Variants in SCAF4 observed in about 807,000 individuals in gnomAD.
SCAF4 encodes the protein SR-related CTD associated factor 4.
Under a neutral mutation model 129.8 loss-of-function variants are expected in SCAF4, and 25 were observed. The observed-to-expected ratio is 0.19, with a 90% confidence interval of 0.14 to 0.27. The LOEUF is 0.27. Among genes scored for constraint, SCAF4 ranks in the 10% least tolerant of loss-of-function variants. The pLI is 1.00. For synonymous variants in SCAF4, 551 were observed against 497.7 expected (o/e 1.11, Z -1.43); for missense variants, 1,246 against 1,457.1 (o/e 0.86, Z 2.36).
chr21:31,673,375 C>T (rs531821987), intron 19 of SCAF4, among the ~76,000 whole-genome samples: 1 of 142,668 alleles, frequency 7.0e-6, no homozygotes, highest in Admixed American at 6.8e-5. Flanking sequence ...GCTATTTACC[C>T]ATGTGCTGCA....
At chr21:31,684,617 T>G (rs17576982) in intron 19 of SCAF4, 5,310 of 158,532 alleles carry the variant, frequency 0.033, 135 homozygotes, top group Non-Finnish European at 0.047. Context: ...AGTCCAGGGG[T>G]TTCAGATAGA....
At chr21:31,706,492 G>A in intron 1 of SCAF4, 135 bp from the exon 2 acceptor site, 3 of 626,802 alleles carry the variant, frequency 4.8e-6, no homozygotes, top group South Asian at 4.0e-5. Flanking sequence ...TTAGCAGCTA[G>A]GGCAGCAGGA....
intron 7 of SCAF4, among the ~76,000 whole-genome samples, chr21:31,700,345 ATCCTCCGTTCTCGACC>A (rs1271837160): frequency 6.6e-6 from 1 of 152,026 alleles, no homozygotes; most frequent in African/African-American, 2.4e-5. Context: ...GGCTCATGGG[ATCCTCCGTTCTCGACC>A]TCCCAAAGTG....
intron 1 of SCAF4, among the ~76,000 whole-genome samples, chr21:31,730,083 T>C (rs1389267334): frequency 2.6e-5 from 4 of 152,256 alleles, no homozygotes; most frequent in Non-Finnish European, 5.9e-5. Context: ...ATTTTAACTA[T>C]TGTTGTGCCA....
At chr21:31,694,447 G>GA (rs924067094) in intron 10 of SCAF4, among the ~76,000 whole-genome samples, 158 bp from the exon 11 acceptor site, 55 of 147,568 alleles carry the variant, frequency 3.7e-4, no homozygotes, top group Admixed American at 1.5e-3. Context: ...CCATCACTGG[G>GA]AAAAAAAAAC....
At chr21:31,726,409 C>G (rs2051205997) in intron 1 of SCAF4, among the ~76,000 whole-genome samples, 4 of 152,126 alleles carry the variant, frequency 2.6e-5, no homozygotes, top group Admixed American at 2.6e-4. Context: ...GCCTGCAATC[C>G]CAGTACTTTC....
rs1167638051 is a variant in SCAF4 at position 31,672,212 on chromosome 21, C to T, written c.2631G>A (p.Pro877=). ...TCATGTGCGGTGGCATGGGACGGGG[C>T]GGCATCAAAGGGAACCGCTGTAAGT... The part of the protein sequence containing the change: ...PPHLQRFPLM[P]PRPMPPHMMH... Residue 877 remains proline, a synonymous_variant, in exon 20 of 20, where the codon CCG becomes CCA. Transcript: ENST00000286835. The T allele has an allele frequency of 1.6e-5, 26 of 1,608,550 alleles. No individual in the cohort carries two copies. The Admixed American group carries it at 2.5e-4, about 16-fold the overall frequency.
Position 31,731,813 on chromosome 21 carries a change from T to C in SCAF4, c.-121A>G. The C allele has an allele frequency of 8.5e-7, 1 of 1,181,192 alleles. No individual in the cohort carries two copies. Among genetic ancestry groups the C allele is most frequent in the Non-Finnish European group, 1.1e-6 (1 of 892,498 alleles). 73.2% of individuals were successfully genotyped at this position (1,181,192 alleles called of 1,614,324 possible). Reference sequence around the variant, plus strand: ...CGGGGGGAGGCGACGAGCGGCGGAGTCCGAGGCCCGGGCAGGAAGAGGCTG... The same window carrying C: ...CGGGGGGAGGCGACGAGCGGCGGAGCCCGAGGCCCGGGCAGGAAGAGGCTG... On this transcript the variant is annotated 5_prime_UTR_variant, in exon 1 of 20. Transcript: ENST00000286835.
intron 9 of SCAF4, among the ~76,000 whole-genome samples, chr21:31,695,871 T>C (rs1052950632): frequency 6.6e-6 from 1 of 152,246 alleles, no homozygotes; most frequent in Non-Finnish European, 1.5e-5. Flanking sequence ...CAAATAGAAC[T>C]GTAATCTCTA....
intron 15 of SCAF4, 56 bp downstream of exon 15, chr21:31,690,741 C>T: frequency 4.6e-6 from 7 of 1,507,478 alleles, no homozygotes; most frequent in Non-Finnish European, 6.3e-6. Context: ...TTCGATTTGT[C>T]ATATGTACTA....
intron 19 of SCAF4, among the ~76,000 whole-genome samples, chr21:31,675,920 T>C (rs571134165): frequency 1.8e-4 from 28 of 152,280 alleles, no homozygotes; most frequent in African/African-American, 6.3e-4. Context: ...ATTTCATAGT[T>C]GGAGTCCAAC....
rs907740085 is a variant in SCAF4, at chr21:31,703,801, T to C, written c.285A>G (p.Thr95=). ...ATGGACAAAGATATAAATATTGGAA[T>C]GTGGCAGTTATGTTTTTAGAGAATC... ...GPRFSKNITA[T]FQYLYLCPSE... The change falls in exon 4 of 20, where the codon ACA becomes ACG. Residue 95 remains threonine, a synonymous_variant. Coordinates refer to ENST00000286835, the MANE Select transcript of SCAF4 (RefSeq NM_020706.2). 6.3e-7 allele frequency: 1 copy of C among 1,585,890 alleles called. No homozygotes were observed. The highest frequency in any genetic ancestry group is 8.6e-7 in the Non-Finnish European group (1 of 1,157,044).
chr21:31,696,816 G>T, intron 7 of SCAF4, 66 bp from the exon 8 acceptor site: 2 of 1,325,162 alleles, frequency 1.5e-6, no homozygotes, highest in Non-Finnish European at 2.1e-6. Context: ...AAAACTTTAT[G>T]AAAACAAGGG....
chr21:31,715,189 T>C (rs1236055152), intron 1 of SCAF4, among the ~76,000 whole-genome samples: 2 of 152,192 alleles, frequency 1.3e-5, no homozygotes, highest in African/African-American at 2.4e-5. Context: ...ACAGGGTGCC[T>C]ACATTCTTTT....
intron 16 of SCAF4, among the ~76,000 whole-genome samples, chr21:31,687,118 A>G (rs1016932127): frequency 5.3e-5 from 8 of 152,232 alleles, no homozygotes; most frequent in African/African-American, 9.6e-5. Context: ...TCACATTGAG[A>G]AAATGAAGAC....
chr21:31,685,582 A>G lies in SCAF4; in HGVS notation c.2195T>C (p.Met732Thr), dbSNP rs1313734879. The change falls in exon 17 of 20, where the codon ATG becomes ACG. Residue 732 changes from methionine to threonine, a missense_variant. Met to Thr is a moderately conservative substitution (Grantham distance 81). Coordinates refer to ENST00000286835, the MANE Select transcript of SCAF4 (RefSeq NM_020706.2). ...ATTTAGTGTACCTGGTGGTAAATGC[A>G]TTGGGTTGAATCCTGGGCGCAAAAA... ...PPFLRPGFNPMHLPPGFLPPG... is the reference protein window; with the variant it reads ...PPFLRPGFNPTHLPPGFLPPG... 6.2e-7 allele frequency: 1 copy of G among 1,614,120 alleles called. No homozygotes were observed. The highest frequency in any genetic ancestry group is 8.5e-7 in the Non-Finnish European group (1 of 1,180,020).
At chr21:31,691,566 T>C (rs2050260295) in intron 14 of SCAF4, among the ~76,000 whole-genome samples, 1 of 151,758 alleles carries the variant, frequency 6.6e-6, no homozygotes, top group Non-Finnish European at 1.5e-5. Flanking sequence ...TTTACCATGA[T>C]GAACCCATCT....
At chr21:31,721,792 T>A (rs1258426378) in intron 1 of SCAF4, among the ~76,000 whole-genome samples, 2 of 144,914 alleles carry the variant, frequency 1.4e-5, no homozygotes, top group African/African-American at 5.1e-5. Flanking sequence ...ACAGGCACAA[T>A]CTCGGCTCCT....
intron 1 of SCAF4, among the ~76,000 whole-genome samples, chr21:31,725,736 T>G (rs2051185973): frequency 6.6e-6 from 1 of 152,124 alleles, no homozygotes; most frequent in Non-Finnish European, 1.5e-5. Flanking sequence ...AGCAGTATAT[T>G]CCAGAGGCTA....
Sources: allele counts gnomAD v4.1 joint callset (sites outside exome capture counted in the v4.1 genomes callset), GRCh38; gene constraint gnomAD v4.1.1; transcripts MANE v1.5; gene names NCBI Gene and HGNC (gene_info 2026-07-23, HGNC 2026-07-21).